The following NTNG1 variants were observed in gnomAD, a reference collection of about 807,000 sequenced individuals.
NTNG1 encodes the protein netrin-G1.
NTNG1 carries 16 observed loss-of-function variants against 54.0 expected under a neutral mutation model. That is an observed-to-expected ratio of 0.30 (90% CI 0.20 to 0.45). The LOEUF (loss-of-function observed/expected upper bound fraction) is 0.45. Ranked by LOEUF, NTNG1 falls within the 20% of genes least tolerant of loss-of-function variation. The pLI, the probability that NTNG1 is intolerant of heterozygous loss-of-function variation, is 1.00. For synonymous variants in NTNG1, 255 were observed against 263.1 expected (o/e 0.97, Z 0.30); for missense variants, 530 against 678.7 (o/e 0.78, Z 2.43).
At chr1:107,369,274 G>A (rs1240326999) in intron 3 of NTNG1, among the ~76,000 whole-genome samples, 2 of 152,132 alleles carry the variant, frequency 1.3e-5, no homozygotes, top group African/African-American at 4.8e-5. Context: ...GTAGTAGAAT[G>A]GCCGAATCAT....
At position 107,424,851 on chromosome 1, in the gene NTNG1, G is replaced by C. The variant is rs149608459; in HGVS notation, c.1088-5899G>C. ...AGTCCACCCTGGAAATAACTATTTT[G>C]GAATGGCCTGCATATAGACCATGGG... On this transcript the variant is annotated intron_variant, in intron 5 of 7. Coordinates refer to ENST00000370068, the MANE Select transcript of NTNG1 (RefSeq NM_001113226.3). 5.8e-3 allele frequency among the ~76,000 whole-genome samples: 883 copies of C among 152,182 alleles called. 13 individuals are homozygous for C. The highest frequency in any genetic ancestry group is 0.02 in the African/African-American group (844 of 41,532).
At chr1:107,388,950 G>C (rs1312910451) in intron 3 of NTNG1, among the ~76,000 whole-genome samples, 2 of 146,306 alleles carry the variant, frequency 1.4e-5, no homozygotes, top group Non-Finnish European at 3.1e-5. Context: ...TTCTCTAAAA[G>C]CATTTGTATA....
intron 2 of NTNG1, among the ~76,000 whole-genome samples, chr1:107,247,173 T>C (rs79480795): frequency 0.012 from 1,775 of 152,356 alleles, 29 homozygotes; most frequent in African/African-American, 0.04. Context: ...CAATTGGTCA[T>C]TTCCTGAATA....
intron 3 of NTNG1, among the ~76,000 whole-genome samples, chr1:107,390,990 T>C (rs560107584): frequency 1.3e-5 from 2 of 152,102 alleles, no homozygotes; most frequent in African/African-American, 4.8e-5. Context: ...ATTCCAACTA[T>C]GGGCAGATAT....
intron 2 of NTNG1, among the ~76,000 whole-genome samples, chr1:107,160,827 A>G (rs780119175): frequency 2.6e-5 from 4 of 151,990 alleles, no homozygotes; most frequent in Non-Finnish European, 5.9e-5. Context: ...ATATCTTCCT[A>G]TAGTTTTTTC....
intron 3 of NTNG1, among the ~76,000 whole-genome samples, chr1:107,377,753 T>TTCCCC (rs1671388071): frequency 6.6e-6 from 1 of 152,224 alleles, no homozygotes; most frequent in Non-Finnish European, 1.5e-5. Context: ...TAAGGCAGCA[T>TTCCCC]ACATTGCAAT....
At position 107,313,319 on chromosome 1, in the gene NTNG1, C is replaced by T. The variant is rs1667133303; in HGVS notation, c.247-10963C>T. 2.0e-5 allele frequency among the ~76,000 whole-genome samples: 3 copies of T among 152,048 alleles called. No individual in the cohort carries two copies. The South Asian group carries it at 6.2e-4, about 32-fold the overall frequency. On this transcript the variant is annotated intron_variant, in intron 2 of 7. Coordinates refer to ENST00000370068, the MANE Select transcript of NTNG1 (RefSeq NM_001113226.3). ...CAAGTGATACCTGCCTCGTTTGGAC[C>T]CACCCAATAGCTTTAGGAGTGAATT... is the stretch of plus-strand genomic sequence containing the variant.
intron 2 of NTNG1, among the ~76,000 whole-genome samples, chr1:107,265,589 AG>A (rs1240773149): frequency 6.6e-6 from 1 of 152,230 alleles, no homozygotes; most frequent in African/African-American, 2.4e-5. Context: ...TCTATCTGTT[AG>A]GTGATTTAAT....
At chr1:107,442,385 G>T (rs1345807815) in intron 7 of NTNG1, among the ~76,000 whole-genome samples, 1 of 151,962 alleles carries the variant, frequency 6.6e-6, no homozygotes, top group Non-Finnish European at 1.5e-5. Flanking sequence ...AAAAATAAAA[G>T]CATAAATTGT....
Position 107,148,290 on chromosome 1 carries a change from A to G in NTNG1, c.-304A>G, listed in dbSNP as rs539004243. 5 of 248,454 alleles carry G rather than the reference A, an allele frequency of 2.0e-5. No homozygotes were observed. In the South Asian group the frequency reaches 4.3e-4, roughly 21 times the overall value. 15.4% of individuals were successfully genotyped at this position (248,454 alleles called of 1,614,324 possible). Reference sequence around the variant, plus strand: ...ACATCTTTTACAAAAACCAAACTAGACCTGAGTCTAATAGATATGTTCTAA... The same window carrying G: ...ACATCTTTTACAAAAACCAAACTAGGCCTGAGTCTAATAGATATGTTCTAA... On this transcript the variant is annotated 5_prime_UTR_variant, in exon 2 of 8. Coordinates refer to ENST00000370068, the MANE Select transcript of NTNG1 (RefSeq NM_001113226.3).
chr1:107,249,482 CAAAAA>C (rs10564675), intron 2 of NTNG1, among the ~76,000 whole-genome samples: 2 of 120,548 alleles, frequency 1.7e-5, no homozygotes, highest in Non-Finnish European at 1.8e-5. Context: ...AACTCCGTCT[CAAAAA>C]AAAAAAAAAA....
chr1:107,155,460 G>T (rs1194187215), intron 2 of NTNG1, among the ~76,000 whole-genome samples: 2 of 151,522 alleles, frequency 1.3e-5, no homozygotes, highest in African/African-American at 2.4e-5. Flanking sequence ...AATATGTATA[G>T]ATCTCTATAT....
rs570713982 is a variant in NTNG1, at chr1:107,411,050, CACAA to C, written c.1087+3348_1087+3351del. On this transcript the variant is annotated intron_variant, in intron 5 of 7. Coordinates refer to ENST00000370068, the MANE Select transcript of NTNG1 (RefSeq NM_001113226.3). ...GAAATAAATAGAATTTTTTAAATAA[CACAA>C]ACAAAAGAAGAGAGATGTACACATT... Among the ~76,000 whole-genome samples, 11 of 152,138 alleles carry C rather than the reference CACAA, an allele frequency of 7.2e-5. No individual in the cohort carries two copies. In the East Asian group the frequency reaches 1.9e-3, roughly 27 times the overall value.
chr1:107,377,628 G>A (rs1671378221), intron 3 of NTNG1, among the ~76,000 whole-genome samples: 1 of 152,210 alleles, frequency 6.6e-6, no homozygotes, highest in South Asian at 2.1e-4. Context: ...GAGAGGATAA[G>A]AGATCAGAGC....
intron 2 of NTNG1, among the ~76,000 whole-genome samples, chr1:107,270,181 C>A (rs1664046346): frequency 6.6e-6 from 1 of 152,130 alleles, no homozygotes; most frequent in Admixed American, 6.5e-5. Flanking sequence ...ACTTAATGTG[C>A]TGTATATTCT....
intron 1 of NTNG1, among the ~76,000 whole-genome samples, chr1:107,144,574 G>A (rs1284605616): frequency 6.6e-6 from 1 of 151,964 alleles, no homozygotes; most frequent in Admixed American, 6.5e-5. Flanking sequence ...GTAATATTTT[G>A]GGAGGCTTTT....
At chr1:107,163,415 G>A (rs1655553626) in intron 2 of NTNG1, among the ~76,000 whole-genome samples, 1 of 151,962 alleles carries the variant, frequency 6.6e-6, no homozygotes, top group Non-Finnish European at 1.5e-5. Context: ...CTTTATCATT[G>A]TGATTATCAT....
intron 2 of NTNG1, among the ~76,000 whole-genome samples, chr1:107,264,019 G>C (rs1663558959): frequency 6.6e-6 from 1 of 152,148 alleles, no homozygotes; most frequent in Non-Finnish European, 1.5e-5. Flanking sequence ...ATAGTTCTAA[G>C]CTACCTTGTA....
chr1:107,209,028 G>C lies in NTNG1; in HGVS notation c.246+60189G>C, dbSNP rs146348840. 4.8e-3 allele frequency among the ~76,000 whole-genome samples: 732 copies of C among 152,060 alleles called. 8 individuals are homozygous for C. The highest frequency in any genetic ancestry group is 0.017 in the African/African-American group (690 of 41,498). On this transcript the variant is annotated intron_variant, in intron 2 of 7. Coordinates refer to ENST00000370068, the MANE Select transcript of NTNG1 (RefSeq NM_001113226.3). ...CTCAAGTTTTGTATTTTGTGTTCATGAGCTTCTTTATGTGGTTTCTGAGAT... is the reference window on the plus strand; with the variant it reads ...CTCAAGTTTTGTATTTTGTGTTCATCAGCTTCTTTATGTGGTTTCTGAGAT...
Sources: allele counts gnomAD v4.1 joint callset (sites outside exome capture counted in the v4.1 genomes callset), GRCh38; gene constraint gnomAD v4.1.1; transcripts MANE v1.5; gene names NCBI Gene and HGNC (gene_info 2026-07-23, HGNC 2026-07-21).